ZNF224: variants seen among roughly 807,000 people sequenced by gnomAD.
ZNF224 encodes zinc finger protein 224, also known as bone marrow zinc finger 2.
In ZNF224, 8 loss-of-function variants were observed where a neutral mutation model predicts 10.5. The ratio of observed to expected loss-of-function variants is 0.76; its 90% confidence interval spans 0.45 to 1.37. The LOEUF is 1.37. Ranked by LOEUF, ZNF224 falls within the 40% of genes most tolerant of loss-of-function variation. The probability of loss-of-function intolerance (pLI) is 0.00; values close to 1 mark genes in which losing one functional copy is unlikely to be tolerated. For missense variants in ZNF224, 754 were observed against 854.0 expected (o/e 0.88, Z 1.46); for synonymous variants, 282 against 287.8 (o/e 0.98, Z 0.20).
intron 5 of ZNF224, among the ~76,000 whole-genome samples, chr19:44,102,693 G>A (rs1967574340): frequency 6.6e-6 from 1 of 152,134 alleles, no homozygotes; most frequent in African/African-American, 2.4e-5. Flanking sequence ...ACCATACTGA[G>A]CTATATGCCT....
At position 44,106,672 on chromosome 19, in the gene ZNF224, C is replaced by A; in HGVS notation, c.512C>A (p.Ser171Ter). ...SHFDFHQQLHSGEKSHTCDEC... is the reference protein window; with the variant it reads ...SHFDFHQQLH ...TTTGATTTTCATCAACAATTACACT[C>A]AGGAGAGAAATCTCATACGTGTGAT... Residue 171 changes from serine (S) to a stop codon, truncating the protein, a stop_gained, in exon 6 of 6, where the codon TCA (serine) becomes TAA (stop). Transcript: ENST00000693561. LOFTEE classifies it low-confidence loss of function (END_TRUNC). 6.3e-7 allele frequency: 1 copy of A among 1,597,772 alleles called. No homozygotes were observed. Among genetic ancestry groups the A allele is most frequent in the Non-Finnish European group, 8.5e-7 (1 of 1,171,184 alleles).
Position 44,107,654 on chromosome 19 carries a change from T to C in ZNF224, c.1494T>C (p.His498=). 6.2e-7 allele frequency: 1 copy of C among 1,612,046 alleles called. No individual in the cohort carries two copies. Among genetic ancestry groups the C allele is most frequent in the Non-Finnish European group, 8.5e-7 (1 of 1,179,518 alleles). ...GGAAGAGATTTACTCAAAATTCACA[T>C]CTTCATTCCCATCAGAGAGTTCACA... is the stretch of plus-strand genomic sequence containing the variant. ...ECGKRFTQNS[H]LHSHQRVHTG... is the part of the protein sequence containing the mutation. Residue 498 remains histidine (H), a synonymous_variant, in exon 6 of 6, where the codon CAT becomes CAC. Transcript: ENST00000693561.
At chr19:44,105,029 T>C (rs1200210686) in intron 5 of ZNF224, among the ~76,000 whole-genome samples, 1 of 152,228 alleles carries the variant, frequency 6.6e-6, no homozygotes, top group African/African-American at 2.4e-5. Context: ...TTGATTCCCA[T>C]GTGGCTAGTC....
At chr19:44,097,927 C>G in intron 3 of ZNF224, 39 bp downstream of exon 3, 2 of 1,611,894 alleles carry the variant, frequency 1.2e-6, no homozygotes, top group Non-Finnish European at 8.5e-7. Context: ...AAAATTCCCT[C>G]TCAGTACTTA....
chr19:44,100,989 G>T, intron 4 of ZNF224, 62 bp downstream of exon 4: 4 of 1,608,082 alleles, frequency 2.5e-6, no homozygotes, highest in Non-Finnish European at 3.4e-6. Context: ...GTATCCTAGG[G>T]TACAAAGTTT....
intron 5 of ZNF224, among the ~76,000 whole-genome samples, chr19:44,103,966 C>T (rs1967597213): frequency 6.6e-6 from 1 of 152,184 alleles, no homozygotes; most frequent in African/African-American, 2.4e-5. Flanking sequence ...GCTGAGATTA[C>T]AGACATGAGC....
rs757581373 is a variant in ZNF224 at position 44,108,823 on chromosome 19, A to C, written c.*539A>C. 108 of 431,674 alleles carry C rather than the reference A, an allele frequency of 2.5e-4. No homozygotes were observed. The highest frequency in any genetic ancestry group is 4.7e-4 in the Non-Finnish European group (96 of 204,226). The allele number at this position is 431,674 out of a possible 1,614,324, so 26.7% of individuals were successfully genotyped here. A position where few individuals can be genotyped will look rare whatever the true frequency, so the allele number is the denominator to read the frequency against. On this transcript the variant is annotated 3_prime_UTR_variant, in exon 6 of 6. Coordinates refer to ENST00000693561, the MANE Select transcript of ZNF224 (RefSeq NM_001321645.3). The stretch of plus-strand genomic sequence containing the variant: ...TGGATACAATTTTGTGTATCCAAAA[A>C]GGGAAGCCTGCAAAAAATAATTCTG...
At position 44,108,293 on chromosome 19, in the gene ZNF224, T is replaced by A; in HGVS notation, c.*9T>A. 1.9e-6 allele frequency: 3 copies of A among 1,599,018 alleles called. No homozygotes were observed. The highest frequency in any genetic ancestry group is 2.6e-6 in the Non-Finnish European group (3 of 1,172,460). On this transcript the variant is annotated 3_prime_UTR_variant, in exon 6 of 6. Transcript: ENST00000693561. The stretch of plus-strand genomic sequence containing the variant: ...TTGGAGAAAAACCTTAGTGATGTGA[T>A]GGTGCAATAAAGTCTTCACTCAGTC...
rs1448087485 is a variant in ZNF224 at position 44,100,278 on chromosome 19, G to A, written c.16-523G>A. Reference sequence around the variant, plus strand: ...CGCTGGCTGCAGATCATGACATTCAGTGTTGCAATTAATGTATGTAGTTTT... The same window carrying A: ...CGCTGGCTGCAGATCATGACATTCAATGTTGCAATTAATGTATGTAGTTTT... On this transcript the variant is annotated intron_variant, in intron 3 of 5. Coordinates refer to ENST00000693561, the MANE Select transcript of ZNF224 (RefSeq NM_001321645.3). 3.3e-5 allele frequency among the ~76,000 whole-genome samples: 5 copies of A among 152,312 alleles called. No individual in the cohort carries two copies. The East Asian group carries it at 9.6e-4, about 29-fold the overall frequency.
At chr19:44,105,814 C>T (rs1169061930) in intron 5 of ZNF224, 4 of 153,504 alleles carry the variant, frequency 2.6e-5, no homozygotes, top group African/African-American at 7.2e-5. Flanking sequence ...TAATAGCCTC[C>T]AGCTCCATCC....
chr19:44,107,932 C>T lies in ZNF224; in HGVS notation c.1772C>T (p.Thr591Ile). Residue 591 changes from threonine to isoleucine, a missense_variant, in exon 6 of 6, where the codon ACT becomes ATT. Physicochemically the swap from Thr to Ile is moderately conservative, Grantham distance 89 (BLOSUM62 -1). Coordinates refer to ENST00000693561, the MANE Select transcript of ZNF224 (RefSeq NM_001321645.3). ...CTTCATTCTCATCAAAGAGTGCACA[C>T]TGGAGAAAAGCCATACAAATGTGAT... ...SQLHSHQRVH[T>I]GEKPYKCDEC... 6.2e-7 allele frequency: 1 copy of T among 1,613,938 alleles called. No individual in the cohort carries two copies. The highest frequency in any genetic ancestry group is 8.5e-7 in the Non-Finnish European group (1 of 1,179,972).
chr19:44,107,301 T>C lies in ZNF224; in HGVS notation c.1141T>C (p.Phe381Leu). Residue 381 changes from phenylalanine to leucine, a missense_variant, in exon 6 of 6, where the codon TTC (phenylalanine) becomes CTC (leucine). By Grantham distance (22) the Phe-to-Leu change is conservative. Transcript: ENST00000693561. ...TAATTGTAAAGAGTGTGGGAAGAGC[T>C]TCAGATGGGCCTCGTGTCTTTTGAA... Reference protein sequence around the residue: ...PYNCKECGKSFRWASCLLKHQ... With the variant: ...PYNCKECGKSLRWASCLLKHQ... The C allele has an allele frequency of 6.3e-7, 1 of 1,585,908 alleles. No individual in the cohort carries two copies.
intron 5 of ZNF224, among the ~76,000 whole-genome samples, chr19:44,102,550 A>G (rs1019711731): frequency 6.6e-6 from 1 of 152,214 alleles, no homozygotes; most frequent in African/African-American, 2.4e-5. Context: ...AAAGAGAGAT[A>G]TTGCAGAACA....
In ZNF224 at chr19:44,097,886, A is replaced by G. The variant is rs938180445; in HGVS notation, c.13A>G (p.Lys5Glu). The G allele has an allele frequency of 1.2e-6, 2 of 1,613,938 alleles. No homozygotes were observed. The highest frequency in any genetic ancestry group is 1.3e-5 in the African/African-American group (1 of 74,932). Reference sequence around the variant, plus strand: ...AGTAAGAGGGAAAATGACCACGTTCAAGGTGGGTAGGACTTGCTTCTATTA... The same window carrying G: ...AGTAAGAGGGAAAATGACCACGTTCGAGGTGGGTAGGACTTGCTTCTATTA... MTTF[K>E]EAMTFKDVAV... is the part of the protein sequence containing the mutation. The change falls in exon 3 of 6, where the codon AAG becomes GAG. Residue 5 changes from lysine to glutamate, a missense_variant and splice_region_variant. Transcript: ENST00000693561.
In ZNF224 at chr19:44,107,955, G is replaced by T; in HGVS notation, c.1795G>T (p.Asp599Tyr). Residue 599 changes from aspartate to tyrosine, a missense_variant, in exon 6 of 6, where the codon GAT becomes TAT. Coordinates refer to ENST00000693561, the MANE Select transcript of ZNF224 (RefSeq NM_001321645.3). The part of the protein sequence containing the change: ...VHTGEKPYKC[D>Y]ECGKGFSWSS... ...CACTGGAGAAAAGCCATACAAATGT[G>T]ATGAGTGTGGGAAGGGCTTCAGCTG... is the stretch of plus-strand genomic sequence containing the variant. 6.2e-7 allele frequency: 1 copy of T among 1,614,242 alleles called. No homozygotes were observed. The highest frequency in any genetic ancestry group is 8.5e-7 in the Non-Finnish European group (1 of 1,180,046).
rs569338329 is a variant in ZNF224 at position 44,097,866 on chromosome 19, G to T, written c.-8G>T. On this transcript the variant is annotated 5_prime_UTR_variant, in exon 3 of 6. Coordinates refer to ENST00000693561, the MANE Select transcript of ZNF224 (RefSeq NM_001321645.3). ...GGACTCTGCAAGTTTCCAGAAGTAAGAGGGAAAATGACCACGTTCAAGGTG... is the reference window on the plus strand; with the variant it reads ...GGACTCTGCAAGTTTCCAGAAGTAATAGGGAAAATGACCACGTTCAAGGTG... The T allele has an allele frequency of 3.9e-5, 63 of 1,614,058 alleles. No homozygotes were observed. The South Asian group carries it at 6.7e-4, about 17-fold the overall frequency.
At position 44,106,994 on chromosome 19, in the gene ZNF224, T is replaced by A. The variant is rs759912994; in HGVS notation, c.834T>A (p.His278Gln). The A allele has an allele frequency of 1.2e-6, 2 of 1,610,678 alleles. No individual in the cohort carries two copies. The highest frequency in any genetic ancestry group is 1.7e-6 in the Non-Finnish European group (2 of 1,177,990). ...AFIHDSQLQE[H>Q]QRIHTGEKPF... Reference sequence around the variant, plus strand: ...TTCACGATTCCCAGCTTCAAGAACATCAGAGAATCCATACGGGGGAGAAGC... The same window carrying A: ...TTCACGATTCCCAGCTTCAAGAACAACAGAGAATCCATACGGGGGAGAAGC... Residue 278 changes from histidine to glutamine, a missense_variant, in exon 6 of 6, where the codon CAT (histidine) becomes CAA (glutamine). Physicochemically the swap from His to Gln is conservative, Grantham distance 24. Coordinates refer to ENST00000693561, the MANE Select transcript of ZNF224 (RefSeq NM_001321645.3).
intron 5 of ZNF224, among the ~76,000 whole-genome samples, chr19:44,102,580 G>C (rs1967571897): frequency 6.6e-6 from 1 of 152,116 alleles, no homozygotes; most frequent in African/African-American, 2.4e-5. Context: ...TCTTCCAATG[G>C]CCATGTATTT....
chr19:44,109,144 C>G lies in ZNF224; in HGVS notation c.*860C>G, dbSNP rs1236867133. The G allele has an allele frequency of 6.4e-6, 1 of 156,248 alleles. No homozygotes were observed. Among genetic ancestry groups the G allele is most frequent in the Non-Finnish European group, 1.4e-5 (1 of 70,406 alleles). The allele number at this position is 156,248 out of a possible 1,614,324, so 9.7% of individuals were successfully genotyped here. On this transcript the variant is annotated 3_prime_UTR_variant, in exon 6 of 6. Coordinates refer to ENST00000693561, the MANE Select transcript of ZNF224 (RefSeq NM_001321645.3). ...TGGTTAATTTTGCAATAACAGACCA[C>G]TGCATATTTCACAATTAAGTGTTTT... is the stretch of plus-strand genomic sequence containing the variant.
Sources: gnomAD v4.1 joint callset for allele counts (sites outside exome capture counted in the v4.1 genomes callset) on GRCh38, gnomAD v4.1.1 for gene constraint, MANE v1.5 for transcripts, NCBI Gene and HGNC (gene_info 2026-07-23, HGNC 2026-07-21) for gene names.